Variants in LGR4 observed in about 807,000 individuals in gnomAD.
LGR4 encodes the protein leucine rich repeat containing G protein-coupled receptor 4.
Under a neutral mutation model 84.8 loss-of-function variants are expected in LGR4, and 44 were observed. The ratio of observed to expected loss-of-function variants is 0.52; its 90% CI spans 0.41 to 0.67. LGR4 has a LOEUF of 0.67. Ranked by LOEUF, LGR4 falls within the 30% of genes least tolerant of loss-of-function variation. The probability of loss-of-function intolerance (pLI) is 0.00; values close to 1 mark genes in which losing one functional copy is unlikely to be tolerated. For missense variants in LGR4, 1,032 were observed against 1,131.4 expected (o/e 0.91, Z 1.26); for synonymous variants, 429 against 434.3 (o/e 0.99, Z 0.15).
chr11:27,432,302 C>T (rs543689968), intron 1 of LGR4, among the ~76,000 whole-genome samples: 2 of 152,302 alleles, frequency 1.3e-5, no homozygotes, highest in Non-Finnish European at 2.9e-5. Flanking sequence ...TTTCAAAATG[C>T]TCAGAAATAA....
chr11:27,456,339 TA>T (rs1864577137), intron 1 of LGR4, among the ~76,000 whole-genome samples: 1 of 152,156 alleles, frequency 6.6e-6, no homozygotes, highest in African/African-American at 2.4e-5. Flanking sequence ...TCGAGTCAAC[TA>T]AAGAGTACCA....
chr11:27,370,323 G>A (rs76504956), intron 17 of LGR4, among the ~76,000 whole-genome samples: 2,876 of 152,226 alleles, frequency 0.019, 91 homozygotes, highest in African/African-American at 0.066. Flanking sequence ...GAGAAAGCTC[G>A]TTATCACCTT....
At chr11:27,440,430 C>A (rs1864286381) in intron 1 of LGR4, among the ~76,000 whole-genome samples, 1 of 152,094 alleles carries the variant, frequency 6.6e-6, no homozygotes, top group South Asian at 2.1e-4. Context: ...GAAAGAGAGT[C>A]TTTCTATTTT....
At position 27,392,621 on chromosome 11, in the gene LGR4, C is replaced by T. The variant is rs192679674; in HGVS notation, c.258-103G>A. ...TCTGTGATTAAAACTCTATGTTAAA[C>T]ATTTCTCAAGTCTATCTGACATTAA... On this transcript the variant is annotated intron_variant, in intron 2 of 17. Coordinates refer to ENST00000379214, the MANE Select transcript of LGR4 (RefSeq NM_018490.5). 1,677 of 951,144 alleles carry T rather than the reference C, an allele frequency of 1.8e-3. 16 individuals are homozygous for T. The Middle Eastern group carries it at 0.022, about 12-fold the overall frequency. The allele number at this position is 951,144 out of a possible 1,614,324, so 58.9% of individuals were successfully genotyped here.
chr11:27,464,939 A>T (rs1864750835), intron 1 of LGR4, among the ~76,000 whole-genome samples: 1 of 152,194 alleles, frequency 6.6e-6, no homozygotes, highest in Non-Finnish European at 1.5e-5. Flanking sequence ...AAACACAACC[A>T]GCTAAAGGGG....
At chr11:27,380,562 G>T in intron 9 of LGR4, 78 bp downstream of exon 9, 1 of 1,023,510 alleles carries the variant, frequency 9.8e-7, no homozygotes, top group Non-Finnish European at 1.5e-6. Context: ...GTTTTCTGGA[G>T]TTCCAGTAAT....
chr11:27,445,802 C>T (rs933722991), intron 1 of LGR4, among the ~76,000 whole-genome samples: 1 of 151,908 alleles, frequency 6.6e-6, no homozygotes, highest in Non-Finnish European at 1.5e-5. Context: ...CACTTGAGCC[C>T]ACAGGTGAAG....
At chr11:27,429,187 T>A (rs1864074121) in intron 1 of LGR4, among the ~76,000 whole-genome samples, 1 of 150,632 alleles carries the variant, frequency 6.6e-6, no homozygotes, top group Admixed American at 6.6e-5. Flanking sequence ...ATAACCAGAG[T>A]TGAGGAATAG....
chr11:27,452,599 A>AT (rs1158683473), intron 1 of LGR4, among the ~76,000 whole-genome samples: 2 of 150,254 alleles, frequency 1.3e-5, no homozygotes, highest in Non-Finnish European at 3.0e-5. Context: ...TAAACCTGGA[A>AT]TCATACAGTA....
chr11:27,398,216 T>C (rs2133383908), intron 2 of LGR4, among the ~76,000 whole-genome samples: 1 of 152,292 alleles, frequency 6.6e-6, no homozygotes, highest in East Asian at 1.9e-4. Flanking sequence ...AACTGCGCTG[T>C]CTTAAATATG....
chr11:27,434,360 AAAGG>A, intron 1 of LGR4, among the ~76,000 whole-genome samples: 1 of 152,226 alleles, frequency 6.6e-6, no homozygotes, highest in Admixed American at 6.5e-5. Context: ...TTTCAATGGG[AAAGG>A]AAGGAAGAAA....
intron 1 of LGR4, among the ~76,000 whole-genome samples, chr11:27,418,649 T>C (rs559918427): frequency 5.3e-5 from 8 of 152,256 alleles, no homozygotes; most frequent in South Asian, 4.1e-4. Context: ...AGACAAGTTA[T>C]CAACTTGTAA....
chr11:27,439,035 G>A (rs1454390058), intron 1 of LGR4, among the ~76,000 whole-genome samples: 1 of 152,064 alleles, frequency 6.6e-6, no homozygotes, highest in Non-Finnish European at 1.5e-5. Context: ...AAATGTCAAT[G>A]CCAAGGTTAA....
chr11:27,423,432 C>T (rs1289624028), intron 1 of LGR4, among the ~76,000 whole-genome samples: 4 of 152,190 alleles, frequency 2.6e-5, no homozygotes, highest in Non-Finnish European at 5.9e-5. Flanking sequence ...ACTCCCCTCC[C>T]AAACACATAC....
chr11:27,463,067 C>CAAAA lies in LGR4; in HGVS notation c.185+9047_185+9050dup, dbSNP rs35718980. Among the ~76,000 whole-genome samples the CAAAA allele has an allele frequency of 3.5e-3, 180 of 51,052 alleles. 13 individuals are homozygous for CAAAA. Among genetic ancestry groups the CAAAA allele is most frequent in the African/African-American group, 0.016 (173 of 10,902 alleles). The allele number at this position is 51,052 out of a possible 152,430, so 33.5% of individuals were successfully genotyped here. ...GGGCAACATGGTGAGACCCTGTCTC[C>CAAAA]AAAAAAAAAAAAAAAAAAAAAAAAA... On this transcript the variant is annotated intron_variant, in intron 1 of 17. Transcript: ENST00000379214.
rs1862931279 is a variant in LGR4 at position 27,373,986 on chromosome 11, T to A, written c.1242A>T (p.Pro414=). 1.2e-6 allele frequency: 2 copies of A among 1,609,122 alleles called. No individual in the cohort carries two copies. The highest frequency in any genetic ancestry group is 1.7e-6 in the Non-Finnish European group (2 of 1,175,630). ...AATCATCCACTTACAGGTTAGTTAT[T>A]GGCCCAAGTGTGGCAAAAGCTCTAC... ...IHSRAFATLG[P]ITNLDVSFNE... Residue 414 remains proline (P), a synonymous_variant, in exon 14 of 18, where the codon CCA becomes CCT. Transcript: ENST00000379214.
At chr11:27,420,797 A>T (rs1309042933) in intron 1 of LGR4, among the ~76,000 whole-genome samples, 1 of 152,124 alleles carries the variant, frequency 6.6e-6, no homozygotes, top group Non-Finnish European at 1.5e-5. Flanking sequence ...CCTTCTTGTC[A>T]GAAAGAATAT....
intron 1 of LGR4, among the ~76,000 whole-genome samples, chr11:27,458,602 G>T (rs545671610): frequency 6.6e-6 from 1 of 151,414 alleles, no homozygotes; most frequent in Non-Finnish European, 1.5e-5. Flanking sequence ...GCAATGGCAC[G>T]ATCTCAGCTT....
At chr11:27,394,823 CT>C (rs1863356479) in intron 2 of LGR4, among the ~76,000 whole-genome samples, 1 of 152,052 alleles carries the variant, frequency 6.6e-6, no homozygotes, top group African/African-American at 2.4e-5. Flanking sequence ...CTACCGTCTA[CT>C]GGTTGTTTCT....
Sources: gnomAD v4.1 joint callset for allele counts (sites outside exome capture counted in the v4.1 genomes callset) on GRCh38, gnomAD v4.1.1 for gene constraint, MANE v1.5 for transcripts, NCBI Gene and HGNC (gene_info 2026-07-23, HGNC 2026-07-21) for gene names.